WDTC1: variants seen among roughly 807,000 people sequenced by gnomAD.
WDTC1 encodes WD and tetratricopeptide repeats protein 1.
WDTC1 carries 12 observed loss-of-function variants against 76.0 expected under a neutral mutation model. That is an observed-to-expected ratio of 0.16 (90% CI 0.10 to 0.26). The LOEUF (loss-of-function observed/expected upper bound fraction) is 0.26. Ranked by LOEUF, WDTC1 falls within the 10% of genes least tolerant of loss-of-function variation. WDTC1 has a pLI of 1.00. For missense variants in WDTC1, 511 were observed against 908.8 expected (o/e 0.56, Z 5.63); for synonymous variants, 326 against 350.8 (o/e 0.93, Z 0.79).
upstream of WDTC1, chr1:27,234,518 G>A (rs553118260): frequency 9.2e-4 from 328 of 357,442 alleles, 2 homozygotes; most frequent in African/African-American, 6.4e-3. Flanking sequence ...GGGGGGGTAA[G>A]TGGGGGGGCC....
intron 9 of WDTC1, among the ~76,000 whole-genome samples, chr1:27,295,142 A>G (rs754945706): frequency 7.2e-5 from 11 of 152,204 alleles, no homozygotes; most frequent in Non-Finnish European, 1.5e-4. Flanking sequence ...TAAGCCTTGC[A>G]TACATTTATT....
intron 4 of WDTC1, among the ~76,000 whole-genome samples, chr1:27,283,114 G>A (rs1184730311): frequency 6.6e-6 from 1 of 151,584 alleles, no homozygotes; most frequent in African/African-American, 2.4e-5. Flanking sequence ...CTTCCAGCCT[G>A]GGGGACAGAG....
chr1:27,240,397 C>T (rs995783062), intron 1 of WDTC1, among the ~76,000 whole-genome samples: 2 of 152,174 alleles, frequency 1.3e-5, no homozygotes, highest in African/African-American at 4.8e-5. Context: ...CATGTATCCT[C>T]TCAGAGCTAT....
intron 2 of WDTC1, among the ~76,000 whole-genome samples, chr1:27,261,504 T>C (rs1000082223): frequency 1.3e-5 from 2 of 152,224 alleles, no homozygotes; most frequent in Non-Finnish European, 2.9e-5. Context: ...GTTCAGCTTG[T>C]ATTCTCTTTG....
At chr1:27,278,344 C>T (rs1322094839) in intron 3 of WDTC1, among the ~76,000 whole-genome samples, 4 of 152,190 alleles carry the variant, frequency 2.6e-5, no homozygotes, top group African/African-American at 9.7e-5. Flanking sequence ...TTGCTGACCT[C>T]TGCTTTAGAT....
chr1:27,287,651 C>A (rs867056376), intron 5 of WDTC1, 23 bp from the exon 6 acceptor site: 4 of 1,605,506 alleles, frequency 2.5e-6, no homozygotes, highest in Middle Eastern at 3.3e-4. Context: ...CCACCCACCC[C>A]TTCCTCCATT....
chr1:27,293,435 T>TAAAA (rs35845132), intron 7 of WDTC1, among the ~76,000 whole-genome samples: 1 of 130,636 alleles, frequency 7.7e-6, no homozygotes, highest in African/African-American at 2.9e-5. Flanking sequence ...CAGTCTCAAT[T>TAAAA]AAAAAAAAAA....
At chr1:27,300,558 G>A (rs1326504743) in intron 12 of WDTC1, among the ~76,000 whole-genome samples, 7 of 152,170 alleles carry the variant, frequency 4.6e-5, no homozygotes, top group Admixed American at 3.3e-4. Context: ...TTGGAGAAGT[G>A]AGTGGGGACG....
chr1:27,238,875 T>G (rs891806980), intron 1 of WDTC1, among the ~76,000 whole-genome samples: 1 of 151,562 alleles, frequency 6.6e-6, no homozygotes, highest in African/African-American at 2.4e-5. Context: ...CCGGCTAATT[T>G]TTTTGTATTT....
At chr1:27,295,168 GAGCA>G in intron 9 of WDTC1, among the ~76,000 whole-genome samples, 1 of 152,252 alleles carries the variant, frequency 6.6e-6, no homozygotes, top group Middle Eastern at 3.4e-3. Flanking sequence ...TACCAACACT[GAGCA>G]CTTACTCTGG....
chr1:27,264,396 C>G (rs146987071), intron 3 of WDTC1, among the ~76,000 whole-genome samples: 45 of 152,076 alleles, frequency 3.0e-4, no homozygotes, highest in Admixed American at 8.5e-4. Flanking sequence ...CAAGTCCAGC[C>G]TGAGCAATAT....
chr1:27,288,117 A>C (rs892350024), intron 6 of WDTC1, among the ~76,000 whole-genome samples: 1 of 151,976 alleles, frequency 6.6e-6, no homozygotes, highest in African/African-American at 2.4e-5. Flanking sequence ...CAGGGTCTCT[A>C]CTGCCTCTGG....
chr1:27,284,547 T>C (rs1196563173), intron 5 of WDTC1, among the ~76,000 whole-genome samples: 2 of 152,202 alleles, frequency 1.3e-5, no homozygotes, highest in Non-Finnish European at 2.9e-5. Flanking sequence ...TTACCTCTTA[T>C]ATGACTAACG....
chr1:27,261,349 AGG>A (rs2012470564), intron 2 of WDTC1, among the ~76,000 whole-genome samples: 1 of 152,292 alleles, frequency 6.6e-6, no homozygotes, highest in Non-Finnish European at 1.5e-5. Flanking sequence ...CAGGCTGGCA[AGG>A]GAGGGGAGCT....
At chr1:27,294,847 A>G (rs2013641260) in intron 9 of WDTC1, among the ~76,000 whole-genome samples, 1 of 152,222 alleles carries the variant, frequency 6.6e-6, no homozygotes, top group Non-Finnish European at 1.5e-5. Context: ...AACTAGATAG[A>G]AATATGATAG....
At position 27,234,872 on chromosome 1, in the gene WDTC1, C is replaced by G; in HGVS notation, c.-179C>G. 2.5e-6 allele frequency: 1 copy of G among 395,924 alleles called. No individual in the cohort carries two copies. The highest frequency in any genetic ancestry group is 4.5e-6 in the Non-Finnish European group (1 of 224,466). The allele number at this position is 395,924 out of a possible 1,614,324, so 24.5% of individuals were successfully genotyped here. A position where few individuals can be genotyped will look rare whatever the true frequency, so the allele number is the denominator to read the frequency against. On this transcript the variant is annotated 5_prime_UTR_variant, in exon 1 of 16. Coordinates refer to ENST00000319394, the MANE Select transcript of WDTC1 (RefSeq NM_001276252.2). ...TCCCCGGGATCCGCGCCCCCCTTCCCGGGAGAGGGGCCGCCCCCCCCGGAC... is the reference window on the plus strand; with the variant it reads ...TCCCCGGGATCCGCGCCCCCCTTCCGGGGAGAGGGGCCGCCCCCCCCGGAC...
intron 1 of WDTC1, among the ~76,000 whole-genome samples, chr1:27,244,641 C>T (rs1441654102): frequency 6.6e-6 from 1 of 152,202 alleles, no homozygotes; most frequent in Admixed American, 6.5e-5. Flanking sequence ...GCTACCACAC[C>T]TGGCCTTATG....
Position 27,303,854 on chromosome 1 carries a change from G to GTGTTGGGGCATAACAGCATAA in WDTC1, c.1643+72_1643+73insCAGCATAATGTTGGGGCATAA. 1 of 1,594,650 alleles carries GTGTTGGGGCATAACAGCATAA rather than the reference G, an allele frequency of 6.3e-7. No homozygotes were observed. The highest frequency in any genetic ancestry group is 8.6e-7 in the Non-Finnish European group (1 of 1,169,488). ...TTGGCAGCGGGAGGTTGAGTGGGGA[G>GTGTTGGGGCATAACAGCATAA]TGTTGGGGCATAATGGTTTCAGAGA... On this transcript the variant is annotated intron_variant, in intron 14 of 15. Coordinates refer to ENST00000319394, the MANE Select transcript of WDTC1 (RefSeq NM_001276252.2). The surrounding 1 kb of genome is among the most constrained non-coding windows in gnomAD (Gnocchi z 4.8).
chr1:27,236,624 GT>G (rs1048753452), intron 1 of WDTC1, among the ~76,000 whole-genome samples: 44 of 151,980 alleles, frequency 2.9e-4, no homozygotes, highest in Non-Finnish European at 5.0e-4. Context: ...ACAATTGACA[GT>G]TTTTTTTAGC....
Sources: allele counts gnomAD v4.1 joint callset (sites outside exome capture counted in the v4.1 genomes callset), GRCh38; gene constraint gnomAD v4.1.1; non-coding constraint Gnocchi (gnomAD v3.1); transcripts MANE v1.5; gene names NCBI Gene and HGNC (gene_info 2026-07-23, HGNC 2026-07-21).